BRSK2: variants seen among roughly 807,000 people sequenced by gnomAD.
BRSK2 encodes BR serine/threonine kinase 2.
Under a neutral mutation model 83.3 loss-of-function variants are expected in BRSK2, and 19 were observed. That is an observed-to-expected ratio of 0.23 (90% CI 0.16 to 0.33). The LOEUF (loss-of-function observed/expected upper bound fraction) is 0.33, where lower values mean the gene tolerates loss of function less well. BRSK2 is among the 10% of genes least tolerant of loss of function. The pLI is 1.00. For synonymous variants in BRSK2, 519 were observed against 435.4 expected, an observed-to-expected ratio of 1.19 and a Z score of -2.39; for missense variants, 798 against 1,042.3, an observed-to-expected ratio of 0.77 and a Z score of 3.23.
intron 15 of BRSK2, among the ~76,000 whole-genome samples, chr11:1,452,805 C>T (rs1261890155): frequency 6.6e-6 from 1 of 152,240 alleles, no homozygotes; most frequent in Non-Finnish European, 1.5e-5. Flanking sequence ...GCACAGACGC[C>T]TTGGACGAGG....
rs537048005 is a variant in BRSK2, at chr11:1,443,639, C to G, written c.780+4C>G. 2 of 1,591,890 alleles carry G rather than the reference C, an allele frequency of 1.3e-6. No individual in the cohort carries two copies. Among genetic ancestry groups the G allele is most frequent in the Non-Finnish European group, 8.6e-7 (1 of 1,168,968 alleles). On this transcript the variant is annotated splice_donor_region_variant and intron_variant, in intron 8 of 19. Transcript: ENST00000528841. ...GGACGCCGCACGCCGCCTCACGGTG[C>G]GTGCCCTCGGAGCGGGGCGGCCCCA...
chr11:1,403,273 C>T (rs1008469796), intron 1 of BRSK2, among the ~76,000 whole-genome samples: 9 of 152,212 alleles, frequency 5.9e-5, no homozygotes, highest in African/African-American at 2.2e-4. Context: ...AGTTGTCCCC[C>T]AGCCCAGGAT....
intron 1 of BRSK2, among the ~76,000 whole-genome samples, chr11:1,421,251 G>A (rs532037901): frequency 1.3e-5 from 2 of 152,302 alleles, no homozygotes; most frequent in South Asian, 4.1e-4. Context: ...GGCCAGGCAC[G>A]TCTGGGGTCA....
intron 1 of BRSK2, among the ~76,000 whole-genome samples, chr11:1,394,104 C>T (rs557369907): frequency 2.3e-5 from 3 of 129,258 alleles, no homozygotes; most frequent in African/African-American, 3.1e-5. Flanking sequence ...TGGAGATGGG[C>T]CATGGAGATG....
chr11:1,393,112 A>AC (rs1332470246), intron 1 of BRSK2, among the ~76,000 whole-genome samples: 1 of 151,720 alleles, frequency 6.6e-6, no homozygotes, highest in Non-Finnish European at 1.5e-5. Context: ...TCTGAGCTTG[A>AC]CCCCTGCAGA....
chr11:1,397,007 G>A (rs776922367), intron 1 of BRSK2, among the ~76,000 whole-genome samples: 34 of 152,252 alleles, frequency 2.2e-4, no homozygotes, highest in Non-Finnish European at 3.5e-4. Flanking sequence ...GCAGGAGGAC[G>A]GCAGACCAGC....
Position 1,454,179 on chromosome 11 carries a change from G to GCTCACCTGTGGGGGA in BRSK2, c.1545-295_1545-294insGGGACTCACCTGTGG. 1 of 270,594 alleles carries GCTCACCTGTGGGGGA rather than the reference G, an allele frequency of 3.7e-6. No homozygotes were observed. The highest frequency in any genetic ancestry group is 7.3e-6 in the Non-Finnish European group (1 of 137,612). 16.8% of individuals were successfully genotyped at this position (270,594 alleles called of 1,614,324 possible). A position where few individuals can be genotyped will look rare whatever the true frequency, so the allele number is the denominator to read the frequency against. ...GTGAGGGGGGGCTCACCTGTGGGGG[G>GCTCACCTGTGGGGGA]CTCACCTGTGGAGGGGCATCCCCAG... is the stretch of plus-strand genomic sequence containing the variant. On this transcript the variant is annotated intron_variant, in intron 15 of 19. Coordinates refer to ENST00000528841, the MANE Select transcript of BRSK2 (RefSeq NM_001256627.2). The surrounding 1 kb of genome is among the most constrained non-coding windows in gnomAD (Gnocchi z 5.2).
At chr11:1,445,195 G>A in intron 9 of BRSK2, 99 bp from the exon 10 acceptor site, 2 of 1,502,504 alleles carry the variant, frequency 1.3e-6, no homozygotes, top group Non-Finnish European at 1.8e-6. Context: ...AGGGAGAGTG[G>A]CAGGATGAAG....
chr11:1,457,878 A>G (rs1004330433), intron 18 of BRSK2, among the ~76,000 whole-genome samples: 1 of 152,086 alleles, frequency 6.6e-6, no homozygotes, highest in Non-Finnish European at 1.5e-5. Flanking sequence ...CCGAAGCCCC[A>G]GTGGGTGGAG....
Position 1,454,367 on chromosome 11 carries a change from G to A in BRSK2, c.1545-118G>A, listed in dbSNP as rs1846213485. On this transcript the variant is annotated intron_variant, in intron 15 of 19. Coordinates refer to ENST00000528841, the MANE Select transcript of BRSK2 (RefSeq NM_001256627.2). This position sits in a 1 kb window ranked among gnomAD's most constrained non-coding sequence, Gnocchi z 5.2. ...GGTTCTGGCTAGCACTGTGGAGACA[G>A]CCGTTTCTATCACGAAGCGATGGAA... 9 of 1,254,034 alleles carry A rather than the reference G, an allele frequency of 7.2e-6. No homozygotes were observed. Among genetic ancestry groups the A allele is most frequent in the African/African-American group, 2.9e-5 (2 of 67,904 alleles). 77.7% of individuals were successfully genotyped at this position (1,254,034 alleles called of 1,614,324 possible).
chr11:1,437,949 T>G (rs958874020), intron 2 of BRSK2, among the ~76,000 whole-genome samples: 3 of 152,110 alleles, frequency 2.0e-5, no homozygotes, highest in African/African-American at 7.2e-5. Flanking sequence ...CCCGGCGGCC[T>G]GGGCTCCCTC....
At chr11:1,449,021 C>T (rs1845473004) in intron 12 of BRSK2, among the ~76,000 whole-genome samples, 1 of 152,248 alleles carries the variant, frequency 6.6e-6, no homozygotes, top group African/African-American at 2.4e-5. Flanking sequence ...GCATTTCCTT[C>T]CTCCAAGGAT....
At chr11:1,444,154 C>T (rs1851712162) in intron 8 of BRSK2, among the ~76,000 whole-genome samples, 1 of 152,068 alleles carries the variant, frequency 6.6e-6, no homozygotes, top group Non-Finnish European at 1.5e-5. Flanking sequence ...AGCACTGGTG[C>T]TTCCCCATCA....
chr11:1,450,529 C>T (rs1424921023), intron 13 of BRSK2, 58 bp from the exon 14 acceptor site: 72 of 854,290 alleles, frequency 8.4e-5, no homozygotes, highest in Middle Eastern at 2.2e-4. Flanking sequence ...TGCGGGTGCC[C>T]CCCCGGCCCC....
intron 1 of BRSK2, chr11:1,411,405 ATGAGCCCTGAGG>A: frequency 1.4e-6 from 2 of 1,464,102 alleles, no homozygotes; most frequent in African/African-American, 1.5e-5. Flanking sequence ...GCCTCACCCC[ATGAGCCCTGAGG>A]GCCACCCCAG....
At chr11:1,419,481 T>A (rs1467236835) in intron 1 of BRSK2, among the ~76,000 whole-genome samples, 1 of 152,248 alleles carries the variant, frequency 6.6e-6, no homozygotes, top group Non-Finnish European at 1.5e-5. Flanking sequence ...ATTTAAATAG[T>A]TTCTTATTCT....
rs1292649413 is a variant in BRSK2 at position 1,398,682 on chromosome 11, G to C, written c.91+8307G>C. On this transcript the variant is annotated intron_variant, in intron 1 of 19. Transcript: ENST00000528841. Reference sequence around the variant, plus strand: ...CACAAGCTCCGAGGTGTCCAGACAGGAGGCGGTGGCCCCAGTCCGCATAGG... The same window carrying C: ...CACAAGCTCCGAGGTGTCCAGACAGCAGGCGGTGGCCCCAGTCCGCATAGG... Among the ~76,000 whole-genome samples, 3 of 152,204 alleles carry C rather than the reference G, an allele frequency of 2.0e-5. No homozygotes were observed. In the East Asian group the frequency reaches 5.8e-4, roughly 29 times the overall value.
intron 1 of BRSK2, among the ~76,000 whole-genome samples, chr11:1,396,217 G>GTCTCTCTTCCCTTCCACCCAC (rs1846087557): frequency 9.2e-5 from 9 of 98,036 alleles, no homozygotes; most frequent in African/African-American, 3.3e-4. Flanking sequence ...CCCCACTCCT[G>GTCTCTCTTCCCTTCCACCCAC]GTCCCTCTTC....
intron 1 of BRSK2, among the ~76,000 whole-genome samples, chr11:1,411,825 T>A (rs1053314461): frequency 2.6e-5 from 4 of 152,152 alleles, no homozygotes; most frequent in African/African-American, 9.7e-5. Flanking sequence ...CCTGCCCCTA[T>A]GTGGAGAGGC....
Sources: gnomAD v4.1 joint callset for allele counts (sites outside exome capture counted in the v4.1 genomes callset) on GRCh38, gnomAD v4.1.1 for gene constraint, Gnocchi (gnomAD v3.1) non-coding constraint, MANE v1.5 for transcripts, NCBI Gene and HGNC (gene_info 2026-07-23, HGNC 2026-07-21) for gene names.